Variants in RAB3B observed in about 807,000 individuals in gnomAD.
RAB3B encodes RAB3B, member RAS oncogene family.
RAB3B carries 11 observed loss-of-function variants against 20.5 expected under a neutral mutation model. The ratio of observed to expected loss-of-function variants is 0.54; its 90% CI spans 0.34 to 0.89. The LOEUF (loss-of-function observed/expected upper bound fraction) is 0.89, where lower values mean the gene tolerates loss of function less well. Among genes scored for constraint, RAB3B ranks in the 40% least tolerant of loss-of-function variants. The probability of loss-of-function intolerance (pLI) is 0.02; values close to 1 mark genes in which losing one functional copy is unlikely to be tolerated. For synonymous variants in RAB3B, 99 were observed against 106.3 expected, an observed-to-expected ratio of 0.93 and a Z score of 0.42; for missense variants, 225 against 280.9, an observed-to-expected ratio of 0.80 and a Z score of 1.42.
chr1:51,921,433 A>C lies in RAB3B; in HGVS notation c.473-1319T>G, dbSNP rs551042687. Among the ~76,000 whole-genome samples the C allele has an allele frequency of 4.6e-5, 7 of 152,334 alleles. No homozygotes were observed. In the East Asian group the frequency reaches 1.3e-3, roughly 29 times the overall value. On this transcript the variant is annotated intron_variant, in intron 4 of 4. Transcript: ENST00000371655. Reference sequence around the variant, plus strand: ...AAAGTCATGTGGCTGTATTAGCGGAAACTGGATTTAGACCTGGGTTTGGCT... The same window carrying C: ...AAAGTCATGTGGCTGTATTAGCGGACACTGGATTTAGACCTGGGTTTGGCT...
Position 51,912,554 on chromosome 1 carries a change from AATATAT to A in RAB3B, c.*7367_*7372del, listed in dbSNP as rs1171897939. The A allele has an allele frequency of 6.5e-5, 1 of 15,502 alleles. No homozygotes were observed. The highest frequency in any genetic ancestry group is 1.7e-4 in the African/African-American group (1 of 5,738). The allele number at this position is 15,502 out of a possible 1,614,324, so 1.0% of individuals were successfully genotyped here. ...AGACCGTCTCTATTAAAAAAAAAAAAATATATATATATATATATATATATATATATA... is the reference window on the plus strand; with the variant it reads ...AGACCGTCTCTATTAAAAAAAAAAAAATATATATATATATATATATATATA... On this transcript the variant is annotated 3_prime_UTR_variant, in exon 5 of 5. Transcript: ENST00000371655.
intron 2 of RAB3B, among the ~76,000 whole-genome samples, chr1:51,970,819 C>T (rs980348725): frequency 8.6e-5 from 13 of 151,430 alleles, no homozygotes; most frequent in African/African-American, 3.2e-4. Context: ...CCCTGGCTAA[C>T]ACGGTGAAAC....
chr1:51,928,031 C>G (rs1378262019), intron 4 of RAB3B, among the ~76,000 whole-genome samples: 1 of 152,190 alleles, frequency 6.6e-6, no homozygotes, highest in African/African-American at 2.4e-5. Flanking sequence ...AAACACCCAC[C>G]TGCCTCAGCA....
At chr1:51,980,804 C>T in intron 1 of RAB3B, 1 of 748,756 alleles carries the variant, frequency 1.3e-6, no homozygotes, top group East Asian at 2.5e-5. Flanking sequence ...CCACGACCCC[C>T]ACCAAAGCCC....
chr1:51,982,753 AAATAAT>A (rs540518500), intron 1 of RAB3B, among the ~76,000 whole-genome samples: 1 of 151,502 alleles, frequency 6.6e-6, no homozygotes, highest in Non-Finnish European at 1.5e-5. Flanking sequence ...AATCTCAAAA[AAATAAT>A]AATAATAATA....
chr1:51,919,934 G>T lies in RAB3B; in HGVS notation c.653C>A (p.Ser218Ter). 6.2e-7 allele frequency: 1 copy of T among 1,612,728 alleles called. No homozygotes were observed. ...CAGGAAGGTGGGCCTTGCCTAGCATGAGCAGTTCTGCTGCAGCAGCGGTGG... is the reference window on the plus strand; with the variant it reads ...CAGGAAGGTGGGCCTTGCCTAGCATTAGCAGTTCTGCTGCAGCAGCGGTGG... ...DTPPLLQQNCSC is the reference protein window; with the variant it reads ...DTPPLLQQNC Residue 218 changes from serine (S) to a stop codon, truncating the protein, a stop_gained, in exon 5 of 5, where the codon TCA becomes TAA. Transcript: ENST00000371655. LOFTEE classifies it high-confidence loss of function.
chr1:51,931,351 C>T (rs1356171022), intron 4 of RAB3B, among the ~76,000 whole-genome samples: 7 of 152,140 alleles, frequency 4.6e-5, no homozygotes, highest in Non-Finnish European at 8.8e-5. Context: ...CTCCTCTATG[C>T]TCCCCCAACA....
chr1:51,931,205 A>G (rs1180403225), intron 4 of RAB3B, among the ~76,000 whole-genome samples: 2 of 152,184 alleles, frequency 1.3e-5, no homozygotes, highest in Non-Finnish European at 1.5e-5. Context: ...CTGACCCACA[A>G]GGCAGCTCCT....
At chr1:51,984,671 T>G (rs1685130910) in intron 1 of RAB3B, among the ~76,000 whole-genome samples, 1 of 152,202 alleles carries the variant, frequency 6.6e-6, no homozygotes, top group East Asian at 1.9e-4. Flanking sequence ...TACTCTTAAT[T>G]ATTATACATG....
At chr1:51,920,211 G>A in intron 4 of RAB3B, 97 bp from the exon 5 acceptor site, 2 of 1,069,588 alleles carry the variant, frequency 1.9e-6, no homozygotes, top group Non-Finnish European at 2.6e-6. Flanking sequence ...AATATGTCCA[G>A]TGCTCAGCAG....
chr1:51,946,842 T>A (rs1295828941), intron 2 of RAB3B, among the ~76,000 whole-genome samples: 1 of 152,208 alleles, frequency 6.6e-6, no homozygotes, highest in Admixed American at 6.5e-5. Context: ...AATACTACTA[T>A]CTCTATTTAC....
At chr1:51,988,197 C>T (rs1685175309) in intron 1 of RAB3B, among the ~76,000 whole-genome samples, 1 of 152,158 alleles carries the variant, frequency 6.6e-6, no homozygotes, top group African/African-American at 2.4e-5. Flanking sequence ...CTACTTGGAG[C>T]ATTTCAGTGA....
chr1:51,955,199 T>C (rs941626372), intron 2 of RAB3B, among the ~76,000 whole-genome samples: 4 of 152,214 alleles, frequency 2.6e-5, no homozygotes, highest in African/African-American at 9.6e-5. Flanking sequence ...TTGGGTTGTA[T>C]ATTAAGGTGA....
rs566626833 is a variant in RAB3B, at chr1:51,971,870, T to A, written c.228+5020A>T. Among the ~76,000 whole-genome samples, 6 of 152,338 alleles carry A rather than the reference T, an allele frequency of 3.9e-5. No homozygotes were observed. The East Asian group carries it at 1.2e-3, about 29-fold the overall frequency. ...CAGAGCAAGACAGTGCAATATTTCA[T>A]CATGCTACTCAAAACAGTGTGCAAT... On this transcript the variant is annotated intron_variant, in intron 2 of 4. Coordinates refer to ENST00000371655, the MANE Select transcript of RAB3B (RefSeq NM_002867.4).
chr1:51,953,814 T>TA lies in RAB3B; in HGVS notation c.229-16403dup, dbSNP rs1017013359. Among the ~76,000 whole-genome samples, 48 of 152,176 alleles carry TA rather than the reference T, an allele frequency of 3.2e-4. 1 individual carries two copies. The South Asian group carries it at 8.5e-3, about 27-fold the overall frequency. On this transcript the variant is annotated intron_variant, in intron 2 of 4. Transcript: ENST00000371655. ...AGACTCCATCTTAAAAACAAAAAAC[T>TA]AAAAAATACCTAATGGTTAATAAAT... is the stretch of plus-strand genomic sequence containing the variant.
Position 51,937,365 on chromosome 1 carries a change from G to A in RAB3B, c.276C>T (p.Tyr92=). 6.2e-7 allele frequency: 1 copy of A among 1,613,368 alleles called. No individual in the cohort carries two copies. Among genetic ancestry groups the A allele is most frequent in the Non-Finnish European group, 8.5e-7 (1 of 1,179,648 alleles). ...ERYRTITTAY[Y]RGAMGFILMY... The stretch of plus-strand genomic sequence containing the variant: ...TCAGAATGAAGCCCATGGCCCCACG[G>A]TAATAGGCTGTTGTGATGGTCCGGT... Residue 92 remains tyrosine, a synonymous_variant, in exon 3 of 5, where the codon TAC becomes TAT. Coordinates refer to ENST00000371655, the MANE Select transcript of RAB3B (RefSeq NM_002867.4).
chr1:51,976,407 G>A (rs1379388862), intron 2 of RAB3B, among the ~76,000 whole-genome samples: 1 of 152,072 alleles, frequency 6.6e-6, no homozygotes. Flanking sequence ...GAAGTGATTT[G>A]TTATACGACA....
intron 1 of RAB3B, chr1:51,980,443 A>AG (rs1557978269): frequency 8.8e-5 from 46 of 521,166 alleles, no homozygotes; most frequent in African/African-American, 2.6e-4. Context: ...AAAAAAAAAA[A>AG]ACCTCCTCTC....
rs193286853 is a variant in RAB3B at position 51,987,459 on chromosome 1, G to T, written c.-1+3093C>A. Among the ~76,000 whole-genome samples the T allele has an allele frequency of 9.5e-4, 145 of 152,088 alleles. 1 individual carries two copies. Among genetic ancestry groups the T allele is most frequent in the South Asian group, 4.8e-3 (23 of 4,810 alleles). ...AAGAATTAAAACCTGTATATGGGAG[G>T]GTGTTTTATTAACCCCTTATTTTGT... On this transcript the variant is annotated intron_variant, in intron 1 of 4. Coordinates refer to ENST00000371655, the MANE Select transcript of RAB3B (RefSeq NM_002867.4).
Sources: gnomAD v4.1 joint callset for allele counts (sites outside exome capture counted in the v4.1 genomes callset) on GRCh38, gnomAD v4.1.1 for gene constraint, MANE v1.5 for transcripts, NCBI Gene and HGNC (gene_info 2026-07-23, HGNC 2026-07-21) for gene names.